BIRC6: variants seen among roughly 807,000 people sequenced by gnomAD.
The protein encoded by BIRC6 is dual E2 ubiquitin-conjugating enzyme/E3 ubiquitin-protein ligase BIRC6.
In BIRC6, 98 loss-of-function variants were observed where a neutral mutation model predicts 503.3. The ratio of observed to expected loss-of-function variants is 0.19; its 90% confidence interval spans 0.17 to 0.23. BIRC6 has a LOEUF of 0.23. BIRC6 is among the 10% of genes least tolerant of loss of function. The pLI, the probability that BIRC6 is intolerant of heterozygous loss-of-function variation, is 1.00. For synonymous variants in BIRC6, 2,240 were observed against 2,078.7 expected (o/e 1.08, Z -2.11); for missense variants, 5,360 against 5,806.0 (o/e 0.92, Z 2.50).
At chr2:32,546,685 C>T (rs1334566140) in intron 63 of BIRC6, among the ~76,000 whole-genome samples, 3 of 151,902 alleles carry the variant, frequency 2.0e-5, no homozygotes, top group Admixed American at 1.3e-4. Context: ...TACATACTAG[C>T]AACAGACATA....
chr2:32,573,763 A>T (rs1042309074), intron 65 of BIRC6, among the ~76,000 whole-genome samples: 2 of 152,210 alleles, frequency 1.3e-5, no homozygotes, highest in African/African-American at 4.8e-5. Context: ...ACTAAAAAGA[A>T]AGTTGATTTA....
At chr2:32,488,899 T>C (rs971678455) in intron 42 of BIRC6, among the ~76,000 whole-genome samples, 185 bp downstream of exon 42, 2 of 152,220 alleles carry the variant, frequency 1.3e-5, no homozygotes, top group African/African-American at 4.8e-5. Context: ...GGAGACCTTG[T>C]TGAGAATAGA....
chr2:32,368,093 A>G (rs2035229941), intron 1 of BIRC6, among the ~76,000 whole-genome samples: 1 of 152,194 alleles, frequency 6.6e-6, no homozygotes, highest in Non-Finnish European at 1.5e-5. Flanking sequence ...TTGTTCATTT[A>G]GAATCATCAG....
intron 6 of BIRC6, among the ~76,000 whole-genome samples, chr2:32,396,609 T>C (rs933903993): frequency 3.9e-5 from 6 of 152,352 alleles, no homozygotes; most frequent in Middle Eastern, 3.4e-3. Flanking sequence ...AAACAGCAGA[T>C]AGTACTGAAC....
intron 39 of BIRC6, among the ~76,000 whole-genome samples, chr2:32,482,954 G>C (rs1363744508): frequency 2.1e-5 from 3 of 142,310 alleles, no homozygotes; most frequent in East Asian, 4.1e-4. Flanking sequence ...GTCTTGTTCT[G>C]TTGCCCAGGC....
intron 35 of BIRC6, among the ~76,000 whole-genome samples, chr2:32,478,334 C>G (rs1278114695): frequency 6.6e-6 from 1 of 151,380 alleles, no homozygotes; most frequent in African/African-American, 2.4e-5. Context: ...GAGACTGTCT[C>G]AAAAAAATAA....
intron 72 of BIRC6, 118 bp from the exon 73 acceptor site, chr2:32,611,330 A>G (rs987766599): frequency 1.9e-6 from 1 of 535,194 alleles, no homozygotes; most frequent in Non-Finnish European, 2.7e-6. Context: ...AAATGTATTT[A>G]TAGAATAAAT....
intron 45 of BIRC6, among the ~76,000 whole-genome samples, chr2:32,497,607 AC>A (rs1157439309): frequency 6.6e-6 from 1 of 152,174 alleles, no homozygotes; most frequent in Non-Finnish European, 1.5e-5. Context: ...TTGTTCCTTT[AC>A]ATTGTTGTAT....
At chr2:32,550,254 A>G (rs2150399995) in intron 65 of BIRC6, among the ~76,000 whole-genome samples, 1 of 152,322 alleles carries the variant, frequency 6.6e-6, no homozygotes, top group Middle Eastern at 3.4e-3. Context: ...TAAGGGAAAC[A>G]ATGGAAATGA....
chr2:32,531,660 G>A, intron 61 of BIRC6, 109 bp downstream of exon 61: 1 of 1,016,830 alleles, frequency 9.8e-7, no homozygotes, highest in South Asian at 1.8e-5. Flanking sequence ...AATACCCTTT[G>A]CTTTATATTT....
Position 32,441,389 on chromosome 2 carries a change from C to T in BIRC6, c.3871C>T (p.Arg1291Trp), listed in dbSNP as rs763922153. Residue 1291 changes from arginine to tryptophan, a missense_variant, in exon 17 of 74, where the codon CGG becomes TGG. Physicochemically the swap from Arg to Trp is moderately radical, Grantham distance 101 (BLOSUM62 -3). Around this residue, in one of 16 missense-constraint regions of BIRC6, gnomAD observed 2,299 missense variants for 2,267.2 expected, o/e 1.01. Coordinates refer to ENST00000421745, the MANE Select transcript of BIRC6 (RefSeq NM_016252.4). ...TSGTRKSENL[R>W]GCDLLQEVSV... Reference sequence around the variant, plus strand: ...TGGCACCCGTAAATCTGAAAACCTCCGGGGCTGTGATTTACTTCAAGAGGT... The same window carrying T: ...TGGCACCCGTAAATCTGAAAACCTCTGGGGCTGTGATTTACTTCAAGAGGT... The T allele has an allele frequency of 6.2e-6, 10 of 1,609,068 alleles. No individual in the cohort carries two copies. Among genetic ancestry groups the T allele is most frequent in the East Asian group, 2.2e-5 (1 of 44,850 alleles).
chr2:32,582,107 C>T (rs370293855), intron 66 of BIRC6, among the ~76,000 whole-genome samples: 2 of 152,164 alleles, frequency 1.3e-5, no homozygotes, highest in African/African-American at 2.4e-5. Context: ...GATCTGCCCC[C>T]CTCCGCCTCC....
chr2:32,490,245 A>G (rs1424095455), intron 43 of BIRC6, 94 bp downstream of exon 43: 22 of 1,145,364 alleles, frequency 1.9e-5, no homozygotes, highest in Non-Finnish European at 2.7e-5. Flanking sequence ...GGAGTGGTAT[A>G]CTTGTCAAAG....
chr2:32,443,313 C>T, intron 19 of BIRC6, 178 bp from the exon 20 acceptor site: 1 of 522,768 alleles, frequency 1.9e-6, no homozygotes. Context: ...TATTTACAAC[C>T]CTCCTTAGTA....
At chr2:32,552,858 T>TTA (rs2058516641) in intron 65 of BIRC6, among the ~76,000 whole-genome samples, 1 of 149,796 alleles carries the variant, frequency 6.7e-6, no homozygotes, top group Admixed American at 6.7e-5. Flanking sequence ...TGATAACTAA[T>TTA]TATATATTTA....
At chr2:32,547,724 AT>A (rs1559027634) in intron 63 of BIRC6, 125 bp from the exon 64 acceptor site, 4 of 825,980 alleles carry the variant, frequency 4.8e-6, no homozygotes, top group Non-Finnish European at 7.2e-6. Flanking sequence ...TCTGTGTTCA[AT>A]TTTTTTGAGC....
chr2:32,487,600 T>C (rs763083593), intron 40 of BIRC6, 47 bp from the exon 41 acceptor site: 2 of 1,557,060 alleles, frequency 1.3e-6, no homozygotes, highest in Admixed American at 3.4e-5. Context: ...AGTTAACACA[T>C]ATCCTGATAC....
intron 41 of BIRC6, 120 bp downstream of exon 41, chr2:32,487,921 G>T: frequency 2.6e-6 from 2 of 770,614 alleles, no homozygotes; most frequent in Non-Finnish European, 4.1e-6. Flanking sequence ...ATATTCAGTT[G>T]GAAAAATATT....
chr2:32,415,677 A>G lies in BIRC6; in HGVS notation c.2386A>G (p.Ile796Val). 1.2e-5 allele frequency: 19 copies of G among 1,613,954 alleles called. No homozygotes were observed. The highest frequency in any genetic ancestry group is 1.5e-5 in the Non-Finnish European group (18 of 1,179,894). The change falls in exon 10 of 74, where the codon ATT becomes GTT. Residue 796 changes from isoleucine to valine, a missense_variant. Around this residue, in one of 16 missense-constraint regions of BIRC6, gnomAD observed 700 missense variants for 739.3 expected, o/e 0.95. Coordinates refer to ENST00000421745, the MANE Select transcript of BIRC6 (RefSeq NM_016252.4). Reference protein sequence around the residue: ...SNLAVVNGANISVIQHESPAD... With the variant: ...SNLAVVNGANVSVIQHESPAD... ...TCTTGCTGTAGTGAATGGTGCAAAT[A>G]TTAGTGTAATCCAACATGAATCACC...
Sources: gnomAD v4.1 joint callset for allele counts (sites outside exome capture counted in the v4.1 genomes callset) on GRCh38, gnomAD v4.1.1 for gene constraint, gnomAD v4.1.1 regional missense constraint, MANE v1.5 for transcripts, NCBI Gene and HGNC (gene_info 2026-07-23, HGNC 2026-07-21) for gene names.